DLC1: variants seen among roughly 807,000 people sequenced by gnomAD.
DLC1 encodes DLC1 Rho GTPase activating protein.
In DLC1, 54 loss-of-function variants were observed where a neutral mutation model predicts 140.3. The ratio of observed to expected loss-of-function variants is 0.38; its 90% CI spans 0.31 to 0.48. The LOEUF (loss-of-function observed/expected upper bound fraction) is 0.48, where lower values mean the gene tolerates loss of function less well. DLC1 is among the 20% of genes least tolerant of loss of function. The pLI is 0.96. For synonymous variants in DLC1, 986 were observed against 728.1 expected (o/e 1.35, Z -5.70); for missense variants, 2,536 against 1,907.0 (o/e 1.33, Z -6.14).
At chr8:13,227,538 G>A (rs1471072735) in intron 5 of DLC1, among the ~76,000 whole-genome samples, 1 of 152,144 alleles carries the variant, frequency 6.6e-6, no homozygotes. Context: ...CAAGATATAG[G>A]CTATCTCCAT....
At chr8:13,365,297 A>G (rs368476429) in intron 4 of DLC1, among the ~76,000 whole-genome samples, 3 of 152,262 alleles carry the variant, frequency 2.0e-5, no homozygotes, top group African/African-American at 7.2e-5. Context: ...AGTGAGTCAG[A>G]TGTCCACAGG....
At chr8:13,426,869 C>T (rs577466569) in intron 2 of DLC1, among the ~76,000 whole-genome samples, 2 of 152,102 alleles carry the variant, frequency 1.3e-5, no homozygotes, top group Non-Finnish European at 2.9e-5. Context: ...ATCATTAGAG[C>T]TTACCTCAAG....
chr8:13,579,354 TATATATA>T (rs1804977936), intron 1 of DLC1, among the ~76,000 whole-genome samples: 6 of 31,094 alleles, frequency 1.9e-4, no homozygotes, highest in African/African-American at 7.4e-4. Flanking sequence ...TATATATATA[TATATATA>T]TTTTTATATA....
intron 1 of DLC1, among the ~76,000 whole-genome samples, chr8:13,504,644 A>G (rs2046196): frequency 0.13 from 19,337 of 152,188 alleles, 2,270 homozygotes; most frequent in East Asian, 0.38. Context: ...AAGAGATGAT[A>G]TATTAGGAGC....
chr8:13,541,310 A>C (rs1803476747), intron 1 of DLC1, among the ~76,000 whole-genome samples: 1 of 149,794 alleles, frequency 6.7e-6, no homozygotes, highest in Non-Finnish European at 1.5e-5. Flanking sequence ...CTCTTAAGTA[A>C]ATACCTAGAA....
chr8:13,334,836 T>A lies in DLC1; in HGVS notation c.1315-29534A>T, dbSNP rs540539529. On this transcript the variant is annotated intron_variant, in intron 4 of 17. Coordinates refer to ENST00000276297, the MANE Select transcript of DLC1 (RefSeq NM_182643.3). ...TAGAGATTTAAGTCATAATCATAGCTATTATTTATCAATGCCTATTATGTG... is the reference window on the plus strand; with the variant it reads ...TAGAGATTTAAGTCATAATCATAGCAATTATTTATCAATGCCTATTATGTG... Among the ~76,000 whole-genome samples, 15 of 152,344 alleles carry A rather than the reference T, an allele frequency of 9.8e-5. No individual in the cohort carries two copies. The South Asian group carries it at 2.9e-3, about 29-fold the overall frequency.
intron 2 of DLC1, among the ~76,000 whole-genome samples, chr8:13,437,173 T>C (rs1839157977): frequency 6.6e-6 from 1 of 152,184 alleles, no homozygotes; most frequent in Non-Finnish European, 1.5e-5. Context: ...AGTTGACAAG[T>C]TGAGAAGTGA....
In DLC1 at chr8:13,083,699, TG is replaced by T. The variant is rs998519426; in HGVS notation, c.*2111del. ...CAGCGTCGTTTCCTAACTGGACCTT[TG>T]TTGGAGAGAATCTCCGTGCTTCCTG... is the stretch of plus-strand genomic sequence containing the variant. On this transcript the variant is annotated 3_prime_UTR_variant, in exon 18 of 18. Coordinates refer to ENST00000276297, the MANE Select transcript of DLC1 (RefSeq NM_182643.3). The T allele has an allele frequency of 3.3e-5, 5 of 152,666 alleles. No individual in the cohort carries two copies. The highest frequency in any genetic ancestry group is 1.2e-4 in the African/African-American group (5 of 41,456). 9.5% of individuals were successfully genotyped at this position (152,666 alleles called of 1,614,324 possible).
chr8:13,486,485 G>A (rs1800973064), intron 2 of DLC1, among the ~76,000 whole-genome samples: 1 of 151,880 alleles, frequency 6.6e-6, no homozygotes, highest in Non-Finnish European at 1.5e-5. Context: ...TTAAATTATA[G>A]AGTTTCCATA....
chr8:13,366,917 C>G (rs560930141), intron 4 of DLC1, among the ~76,000 whole-genome samples: 1 of 152,122 alleles, frequency 6.6e-6, no homozygotes, highest in African/African-American at 2.4e-5. Flanking sequence ...TTGCATTCCT[C>G]GATGTGTTGC....
intron 2 of DLC1, among the ~76,000 whole-genome samples, chr8:13,482,281 C>A (rs770568238): frequency 5.9e-5 from 9 of 152,092 alleles, no homozygotes; most frequent in Non-Finnish European, 8.8e-5. Flanking sequence ...TATTTCTAGT[C>A]ATATATCTAA....
Position 13,317,435 on chromosome 8 carries a change from G to A in DLC1, c.1315-12133C>T, listed in dbSNP as rs1174520062. ...ATAACTTTAGAAGTTAGATGAGATT[G>A]CTTTGCTAACTAAACATTTTACAAA... On this transcript the variant is annotated intron_variant, in intron 4 of 17. Transcript: ENST00000276297. Among the ~76,000 whole-genome samples, 6 of 152,122 alleles carry A rather than the reference G, an allele frequency of 3.9e-5. No individual in the cohort carries two copies. In the South Asian group the frequency reaches 6.2e-4, roughly 16 times the overall value.
chr8:13,161,493 A>G (rs1332830720), intron 5 of DLC1, among the ~76,000 whole-genome samples: 2 of 152,020 alleles, frequency 1.3e-5, no homozygotes, highest in Non-Finnish European at 2.9e-5. Flanking sequence ...GGCACGCACC[A>G]CCACACCTGG....
rs74430243 is a variant in DLC1, at chr8:13,098,194, C to T, written c.3167+205G>A. On this transcript the variant is annotated intron_variant, in intron 10 of 17. Coordinates refer to ENST00000276297, the MANE Select transcript of DLC1 (RefSeq NM_182643.3). Reference sequence around the variant, plus strand: ...GAGCCGAGATCGCACCACTGCACCGCACTCCAGCCTACGTAACAGAGCAAG... The same window carrying T: ...GAGCCGAGATCGCACCACTGCACCGTACTCCAGCCTACGTAACAGAGCAAG... Among the ~76,000 whole-genome samples the T allele has an allele frequency of 6.7e-3, 1,020 of 152,188 alleles. 15 individuals are homozygous for T. Among genetic ancestry groups the T allele is most frequent in the East Asian group, 0.045 (234 of 5,178 alleles).
chr8:13,304,805 A>T (rs562665303), intron 5 of DLC1: 4 of 967,264 alleles, frequency 4.1e-6, no homozygotes, highest in South Asian at 4.8e-5. Flanking sequence ...GAAAAATACT[A>T]TAATTTTTTT....
chr8:13,202,358 A>G (rs1455222687), intron 5 of DLC1, among the ~76,000 whole-genome samples: 5 of 152,246 alleles, frequency 3.3e-5, no homozygotes, highest in Non-Finnish European at 7.3e-5. Context: ...CGTACATTGT[A>G]TAATGATTAG....
At chr8:13,177,703 A>G (rs1269205737) in intron 5 of DLC1, among the ~76,000 whole-genome samples, 3 of 152,140 alleles carry the variant, frequency 2.0e-5, no homozygotes, top group Non-Finnish European at 2.9e-5. Context: ...TTGCTTTTTT[A>G]TATTTCAGAT....
At chr8:13,276,816 G>T in intron 5 of DLC1, 1 of 154,816 alleles carries the variant, frequency 6.5e-6, no homozygotes, top group Non-Finnish European at 1.4e-5. Context: ...GGGGAGGTGG[G>T]AGGGTGGGGC....
chr8:13,317,518 A>G (rs1297389962), intron 4 of DLC1, among the ~76,000 whole-genome samples: 1 of 152,186 alleles, frequency 6.6e-6, no homozygotes, highest in Non-Finnish European at 1.5e-5. Context: ...TGAAGAGAGA[A>G]GGAAATAAAT....
Sources: gnomAD v4.1 joint callset for allele counts (sites outside exome capture counted in the v4.1 genomes callset) on GRCh38, gnomAD v4.1.1 for gene constraint, MANE v1.5 for transcripts, NCBI Gene and HGNC (gene_info 2026-07-23, HGNC 2026-07-21) for gene names.